Variants in HORMAD2 observed in about 807,000 individuals in gnomAD.
The protein encoded by HORMAD2 is HORMA domain containing 2, also known as HORMA domain-containing protein 2.
In HORMAD2, 45 loss-of-function variants were observed where a neutral mutation model predicts 38.8. The ratio of observed to expected loss-of-function variants is 1.16; its 90% confidence interval spans 0.91 to 1.49. HORMAD2 has a LOEUF of 1.49. Ranked by LOEUF, HORMAD2 falls within the 40% of genes most tolerant of loss-of-function variation. The pLI is 0.00. For synonymous variants in HORMAD2, 126 were observed against 122.8 expected, an observed-to-expected ratio of 1.03 and a Z score of -0.17; for missense variants, 338 against 367.0, an observed-to-expected ratio of 0.92 and a Z score of 0.65.
intron 10 of HORMAD2, among the ~76,000 whole-genome samples, chr22:30,153,445 T>C (rs545479958): frequency 6.6e-6 from 1 of 152,330 alleles, no homozygotes; most frequent in South Asian, 2.1e-4. Context: ...TTATCTGTCT[T>C]ATTACCCAAC....
chr22:30,134,195 C>T (rs1251038479), intron 10 of HORMAD2, among the ~76,000 whole-genome samples: 13 of 151,768 alleles, frequency 8.6e-5, no homozygotes, highest in Admixed American at 1.3e-4. Flanking sequence ...GTCAGGAGTT[C>T]GAGACAAGCC....
intron 7 of HORMAD2, among the ~76,000 whole-genome samples, chr22:30,116,849 G>T (rs772723155): frequency 1.3e-5 from 2 of 152,202 alleles, no homozygotes; most frequent in African/African-American, 2.4e-5. Flanking sequence ...AAAAGCTAGA[G>T]TTGATTGAGA....
At chr22:30,101,892 C>A (rs1920948682) in intron 3 of HORMAD2, among the ~76,000 whole-genome samples, 1 of 151,998 alleles carries the variant, frequency 6.6e-6, no homozygotes, top group Admixed American at 6.6e-5. Context: ...CACGGTGAAA[C>A]CCTGTCTCTA....
At chr22:30,142,257 CA>C (rs1924133298) in intron 10 of HORMAD2, among the ~76,000 whole-genome samples, 1 of 152,132 alleles carries the variant, frequency 6.6e-6, no homozygotes, top group Non-Finnish European at 1.5e-5. Flanking sequence ...CCAGCCTGAG[CA>C]GCAGAGTGAG....
intron 10 of HORMAD2, among the ~76,000 whole-genome samples, chr22:30,128,518 A>G (rs1298730907): frequency 6.6e-6 from 1 of 152,188 alleles, no homozygotes; most frequent in African/African-American, 2.4e-5. Context: ...TGATTTTGCT[A>G]TTATAAAGTA....
intron 10 of HORMAD2, among the ~76,000 whole-genome samples, chr22:30,132,081 G>T (rs1303914480): frequency 6.6e-6 from 1 of 152,126 alleles, no homozygotes; most frequent in African/African-American, 2.4e-5. Flanking sequence ...AAAACCTATT[G>T]TCTCCCACTA....
At chr22:30,189,965 G>A in the HORMAD2 span, among the ~76,000 whole-genome samples, 1 of 152,076 alleles carries the variant, frequency 6.6e-6, no homozygotes, top group African/African-American at 2.4e-5. Context: ...AAACTCACTT[G>A]CCCTACGTCT....
intron 10 of HORMAD2, among the ~76,000 whole-genome samples, chr22:30,138,783 G>A (rs1923846587): frequency 6.6e-6 from 1 of 152,060 alleles, no homozygotes; most frequent in Non-Finnish European, 1.5e-5. Context: ...TTTCATCTTT[G>A]TATTATTCAT....
At chr22:30,119,476 A>G (rs1922287256) in intron 8 of HORMAD2, among the ~76,000 whole-genome samples, 1 of 152,214 alleles carries the variant, frequency 6.6e-6, no homozygotes, top group African/African-American at 2.4e-5. Flanking sequence ...CCAGTATGTC[A>G]TATAAATATC....
intron 10 of HORMAD2, among the ~76,000 whole-genome samples, chr22:30,167,195 G>A (rs1925835785): frequency 6.6e-6 from 1 of 152,158 alleles, no homozygotes; most frequent in African/African-American, 2.4e-5. Flanking sequence ...TCTTCTGTCT[G>A]TGTTCACATC....
chr22:30,112,077 C>A (rs568316206), intron 6 of HORMAD2, among the ~76,000 whole-genome samples: 10 of 151,960 alleles, frequency 6.6e-5, no homozygotes, highest in Non-Finnish European at 1.2e-4. Flanking sequence ...TTTTTAGTTA[C>A]TTTACAGACT....
chr22:30,199,707 C>G, the HORMAD2 span, among the ~76,000 whole-genome samples: 192 of 150,982 alleles, frequency 1.3e-3, 1 homozygote, highest in African/African-American at 4.5e-3. Context: ...GTTATTTTCT[C>G]TCATTCATGA....
intron 10 of HORMAD2, among the ~76,000 whole-genome samples, chr22:30,153,530 TC>T (rs1924884179): frequency 6.6e-6 from 1 of 152,172 alleles, no homozygotes; most frequent in African/African-American, 2.4e-5. Context: ...TTCCCCCATA[TC>T]TTAACAAGTG....
intron 5 of HORMAD2, among the ~76,000 whole-genome samples, chr22:30,106,104 A>G (rs1198960581): frequency 6.6e-6 from 1 of 152,112 alleles, no homozygotes; most frequent in African/African-American, 2.4e-5. Flanking sequence ...TCCGCCTCCC[A>G]GGTTCAAGCG....
intron 10 of HORMAD2, among the ~76,000 whole-genome samples, chr22:30,138,651 A>C (rs1923836320): frequency 6.6e-6 from 1 of 151,778 alleles, no homozygotes; most frequent in South Asian, 2.1e-4. Context: ...TTAGATTATA[A>C]ATTTTGTATT....
intron 1 of HORMAD2, among the ~76,000 whole-genome samples, chr22:30,083,637 C>T (rs1030189551): frequency 1.5e-4 from 23 of 151,710 alleles, no homozygotes; most frequent in Non-Finnish European, 2.1e-4. Flanking sequence ...TTTTTTGAGA[C>T]GGAGTTTCAC....
At chr22:30,182,536 G>A in the HORMAD2 span, among the ~76,000 whole-genome samples, 4 of 152,140 alleles carry the variant, frequency 2.6e-5, no homozygotes, top group East Asian at 1.9e-4. Flanking sequence ...GGCTGGTGAC[G>A]TGCAGTTTAT....
chr22:30,129,217 CAAAAAAAAAAAAAAA>C (rs750796623), intron 10 of HORMAD2, among the ~76,000 whole-genome samples: 15 of 22,644 alleles, frequency 6.6e-4, no homozygotes, highest in South Asian at 1.6e-3. Flanking sequence ...GACTCTATCT[CAAAAAAAAAAAAAAA>C]AAAAAAAAAA....
chr22:30,126,254 C>T lies in HORMAD2; in HGVS notation c.819+4040C>T, dbSNP rs867220185. 1.1e-4 allele frequency among the ~76,000 whole-genome samples: 16 copies of T among 152,078 alleles called. 1 individual carries two copies. The Middle Eastern group carries it at 0.017, about 162-fold the overall frequency. On this transcript the variant is annotated intron_variant, in intron 10 of 10. Transcript: ENST00000336726. ...TCTCTGCTTTGCTCACTGCAAGTTC[C>T]GCCTCCTGGGTTCACGCCATTCTCC...
Sources: allele counts gnomAD v4.1 joint callset (sites outside exome capture counted in the v4.1 genomes callset), GRCh38; gene constraint gnomAD v4.1.1; transcripts MANE v1.5; gene names NCBI Gene and HGNC (gene_info 2026-07-23, HGNC 2026-07-21).